PRKCE: variants seen among roughly 807,000 people sequenced by gnomAD.
PRKCE encodes protein kinase C epsilon, also known as protein kinase C epsilon type.
In PRKCE, 16 loss-of-function variants were observed where a neutral mutation model predicts 85.4. The ratio of observed to expected loss-of-function variants is 0.19; its 90% CI spans 0.13 to 0.28. PRKCE has a LOEUF of 0.28. Ranked by LOEUF, PRKCE falls within the 10% of genes least tolerant of loss-of-function variation. The pLI is 1.00. For synonymous variants in PRKCE, 388 were observed against 371.5 expected (o/e 1.04, Z -0.51); for missense variants, 573 against 975.2 (o/e 0.59, Z 5.49).
Position 46,184,615 on chromosome 2 carries a change from C to A in PRKCE, c.2068-120C>A. The stretch of plus-strand genomic sequence containing the variant: ...ATCGGGACAGCCCCGTGTCTGCTGT[C>A]TGTTGGTAGCTAGAGGCCTGCTTTG... On this transcript the variant is annotated intron_variant, in intron 14 of 14. Transcript: ENST00000306156. The surrounding 1 kb of genome is among the most constrained non-coding windows in gnomAD (Gnocchi z 5.0). The A allele has an allele frequency of 7.8e-7, 1 of 1,289,160 alleles. No individual in the cohort carries two copies. Among genetic ancestry groups the A allele is most frequent in the Non-Finnish European group, 1.1e-6 (1 of 935,496 alleles). The allele number at this position is 1,289,160 out of a possible 1,614,324, so 79.9% of individuals were successfully genotyped here. A position where few individuals can be genotyped will look rare whatever the true frequency, so the allele number is the denominator to read the frequency against.
chr2:45,872,905 CTGGAGCTG>C (rs1694202735), intron 2 of PRKCE, among the ~76,000 whole-genome samples: 1 of 152,162 alleles, frequency 6.6e-6, no homozygotes, highest in Non-Finnish European at 1.5e-5. Context: ...CAGGTTGTCT[CTGGAGCTG>C]TGTGCTCAAG....
intron 10 of PRKCE, among the ~76,000 whole-genome samples, chr2:46,074,510 G>C (rs955909693): frequency 4.6e-5 from 7 of 151,176 alleles, no homozygotes; most frequent in South Asian, 4.2e-4. Context: ...GAGCCACAAT[G>C]AAATGGTTCA....
chr2:45,704,875 G>A (rs567434006), intron 1 of PRKCE, among the ~76,000 whole-genome samples: 4 of 152,260 alleles, frequency 2.6e-5, no homozygotes, highest in Admixed American at 6.5e-5. Context: ...GGAAGACCAG[G>A]GGTCATGAGA....
Position 46,159,522 on chromosome 2 carries a change from C to T in PRKCE, c.1921-84C>T, listed in dbSNP as rs1454437322. ...TTGGGAGGCGATGCTGAAGATGCTGCTTTGGCTGACCTCCATCTGTCCCTT... is the reference window on the plus strand; with the variant it reads ...TTGGGAGGCGATGCTGAAGATGCTGTTTTGGCTGACCTCCATCTGTCCCTT... On this transcript the variant is annotated intron_variant, in intron 13 of 14. Transcript: ENST00000306156. This position sits in a 1 kb window ranked among gnomAD's most constrained non-coding sequence, Gnocchi z 4.1. The T allele has an allele frequency of 3.5e-6, 5 of 1,418,942 alleles. No individual in the cohort carries two copies. The highest frequency in any genetic ancestry group is 4.7e-6 in the Non-Finnish European group (5 of 1,073,426). 87.9% of individuals were successfully genotyped at this position (1,418,942 alleles called of 1,614,324 possible).
intron 1 of PRKCE, among the ~76,000 whole-genome samples, chr2:45,677,281 T>C (rs114592034): frequency 0.04 from 6,010 of 151,998 alleles, 169 homozygotes; most frequent in Non-Finnish European, 0.062. Context: ...ACTCTTGAAT[T>C]TGGGCTTTAT....
chr2:45,961,263 A>G lies in PRKCE; in HGVS notation c.413-15166A>G, dbSNP rs564696518. Among the ~76,000 whole-genome samples the G allele has an allele frequency of 5.9e-5, 9 of 152,324 alleles. No homozygotes were observed. In the South Asian group the frequency reaches 1.9e-3, roughly 32 times the overall value. ...CCCCCCCGATTTGGTTGAGCAGTGAACAAGTCTCAGAGTTAAAAACATTTT... is the reference window on the plus strand; with the variant it reads ...CCCCCCCGATTTGGTTGAGCAGTGAGCAAGTCTCAGAGTTAAAAACATTTT... On this transcript the variant is annotated intron_variant, in intron 2 of 14. Coordinates refer to ENST00000306156, the MANE Select transcript of PRKCE (RefSeq NM_005400.3).
intron 2 of PRKCE, among the ~76,000 whole-genome samples, chr2:45,887,709 C>T (rs931095828): frequency 1.3e-5 from 2 of 152,186 alleles, no homozygotes; most frequent in Non-Finnish European, 2.9e-5. Context: ...CCTGGTCCTG[C>T]CTCCTGGAAC....
At chr2:45,962,628 C>G (rs1422398717) in intron 2 of PRKCE, among the ~76,000 whole-genome samples, 1 of 152,188 alleles carries the variant, frequency 6.6e-6, no homozygotes, top group Non-Finnish European at 1.5e-5. Context: ...AGTGACTATT[C>G]TTTTCCCAAC....
intron 1 of PRKCE, among the ~76,000 whole-genome samples, chr2:45,777,795 T>C (rs1685867697): frequency 1.3e-5 from 2 of 152,128 alleles, no homozygotes; most frequent in African/African-American, 4.8e-5. Flanking sequence ...TGCCAGAAAC[T>C]TGGTTTGCAG....
At chr2:45,795,167 T>G (rs1337593834) in intron 1 of PRKCE, among the ~76,000 whole-genome samples, 1 of 152,202 alleles carries the variant, frequency 6.6e-6, no homozygotes, top group Non-Finnish European at 1.5e-5. Context: ...CCTCACAGTT[T>G]CTGGTCTTCC....
chr2:45,842,751 G>C (rs978068478), intron 1 of PRKCE, among the ~76,000 whole-genome samples: 1 of 152,188 alleles, frequency 6.6e-6, no homozygotes, highest in Non-Finnish European at 1.5e-5. Context: ...ACTGCCTCCA[G>C]ATGTTTGCCA....
intron 11 of PRKCE, among the ~76,000 whole-genome samples, chr2:46,092,314 T>G (rs914053301): frequency 2.6e-5 from 4 of 152,114 alleles, no homozygotes; most frequent in African/African-American, 9.7e-5. Context: ...AAGATGTAAG[T>G]TATAGACTCT....
chr2:46,007,961 A>G (rs542539781), intron 9 of PRKCE, among the ~76,000 whole-genome samples: 1 of 152,332 alleles, frequency 6.6e-6, no homozygotes, highest in South Asian at 2.1e-4. Context: ...GGAAAGTTTT[A>G]AATGCTCAGT....
At chr2:45,734,490 G>T (rs1009861558) in intron 1 of PRKCE, among the ~76,000 whole-genome samples, 10 of 152,340 alleles carry the variant, frequency 6.6e-5, no homozygotes, top group Admixed American at 5.2e-4. Context: ...GGTTGTCTGC[G>T]TTAAGTGGTG....
intron 10 of PRKCE, among the ~76,000 whole-genome samples, chr2:46,082,624 G>A (rs1366623505): frequency 6.6e-6 from 1 of 152,160 alleles, no homozygotes; most frequent in Non-Finnish European, 1.5e-5. Context: ...CACTCAGTGA[G>A]GATGGGGAGC....
intron 12 of PRKCE, among the ~76,000 whole-genome samples, chr2:46,147,634 C>G (rs1399899494): frequency 6.6e-6 from 1 of 152,188 alleles, no homozygotes; most frequent in East Asian, 1.9e-4. Flanking sequence ...TTGCTGTAGG[C>G]AAATTACAGC....
intron 1 of PRKCE, among the ~76,000 whole-genome samples, chr2:45,818,942 G>C (rs1487020788): frequency 6.6e-6 from 1 of 152,178 alleles, no homozygotes; most frequent in African/African-American, 2.4e-5. Flanking sequence ...TGAATGCTCA[G>C]ATGGAGATGT....
At chr2:45,833,740 C>G (rs1011902438) in intron 1 of PRKCE, among the ~76,000 whole-genome samples, 2 of 152,170 alleles carry the variant, frequency 1.3e-5, no homozygotes, top group Admixed American at 1.3e-4. Flanking sequence ...TCAAATATAC[C>G]TAGTGATAGG....
At chr2:45,875,806 G>A (rs1241989696) in intron 2 of PRKCE, among the ~76,000 whole-genome samples, 3 of 152,174 alleles carry the variant, frequency 2.0e-5, no homozygotes, top group African/African-American at 7.2e-5. Context: ...AAATGAATTT[G>A]TAAACTCATC....
Sources: allele counts gnomAD v4.1 joint callset (sites outside exome capture counted in the v4.1 genomes callset), GRCh38; gene constraint gnomAD v4.1.1; non-coding constraint Gnocchi (gnomAD v3.1); transcripts MANE v1.5; gene names NCBI Gene and HGNC (gene_info 2026-07-23, HGNC 2026-07-21).